The following SLC9B1 variants were observed in gnomAD, a reference collection of about 807,000 sequenced individuals.
SLC9B1 encodes sodium/hydrogen exchanger 9B1.
Under a neutral mutation model 51.7 loss-of-function variants are expected in SLC9B1, and 32 were observed. The observed-to-expected ratio is 0.62, with a 90% CI of 0.47 to 0.83. SLC9B1 has a LOEUF of 0.83. Ranked by LOEUF, SLC9B1 falls within the 40% of genes least tolerant of loss-of-function variation. The pLI, the probability that SLC9B1 is intolerant of heterozygous loss-of-function variation, is 0.00. For missense variants in SLC9B1, 406 were observed against 613.2 expected (o/e 0.66, Z 3.57); for synonymous variants, 145 against 212.7 (o/e 0.68, Z 2.77).
chr4:102,967,227 T>A (rs1293570811), intron 3 of SLC9B1, among the ~76,000 whole-genome samples: 2 of 152,246 alleles, frequency 1.3e-5, no homozygotes, highest in African/African-American at 4.8e-5. Flanking sequence ...ATTGAAATTA[T>A]CCTTAATGCT....
intron 3 of SLC9B1, among the ~76,000 whole-genome samples, chr4:102,966,108 T>C (rs1449046740): frequency 6.6e-6 from 1 of 152,174 alleles, no homozygotes; most frequent in Non-Finnish European, 1.5e-5. Flanking sequence ...CAGGCTGAGG[T>C]TGTATGGTGG....
Position 102,946,640 on chromosome 4 carries a change from A to T in SLC9B1, c.525+7T>A. The T allele has an allele frequency of 6.3e-7, 1 of 1,599,538 alleles. No homozygotes were observed. The highest frequency in any genetic ancestry group is 8.5e-7 in the Non-Finnish European group (1 of 1,176,488). On this transcript the variant is annotated splice_region_variant and intron_variant, in intron 5 of 11. Transcript: ENST00000296422. ...TAACCTTACTCGATTTGTAATTGTAAATCTACCTGTGGATCGAGTCCAAGC... is the reference window on the plus strand; with the variant it reads ...TAACCTTACTCGATTTGTAATTGTATATCTACCTGTGGATCGAGTCCAAGC...
intron 3 of SLC9B1, among the ~76,000 whole-genome samples, chr4:102,968,400 AT>A (rs1420306325): frequency 3.3e-5 from 5 of 152,380 alleles, no homozygotes; most frequent in African/African-American, 9.6e-5. Context: ...TAGGAAAAAA[AT>A]ATAGGAGAAA....
At chr4:102,992,068 C>T (rs1739970295) in intron 1 of SLC9B1, among the ~76,000 whole-genome samples, 1 of 152,106 alleles carries the variant, frequency 6.6e-6, no homozygotes, top group Admixed American at 6.5e-5. Context: ...AATCTATCTT[C>T]TGTCATGCTC....
chr4:103,014,538 AAATGCTTTTT>A (rs1321924210), intron 1 of SLC9B1, among the ~76,000 whole-genome samples: 3 of 152,234 alleles, frequency 2.0e-5, no homozygotes, highest in African/African-American at 7.2e-5. Context: ...GAAGTCCAAG[AAATGCTTTTT>A]AGTGACTTGT....
chr4:102,905,798 TA>T lies in SLC9B1; in HGVS notation c.1196-149del, dbSNP rs1735017974. 5 of 724,290 alleles carry T rather than the reference TA, an allele frequency of 6.9e-6. No individual in the cohort carries two copies. In the South Asian group the frequency reaches 7.6e-5, roughly 11 times the overall value. 44.9% of individuals were successfully genotyped at this position (724,290 alleles called of 1,614,324 possible). On this transcript the variant is annotated intron_variant, in intron 10 of 11. Transcript: ENST00000296422. ...ATTTTTTACATAAAAACAATGATTA[TA>T]AAAAATGAATATGATGGAGGATTCT...
intron 1 of SLC9B1, among the ~76,000 whole-genome samples, chr4:103,011,928 G>A (rs561246752): frequency 1.0e-3 from 154 of 152,232 alleles, no homozygotes; most frequent in African/African-American, 3.5e-3. Flanking sequence ...AATACCTTCA[G>A]GGCCACTCCT....
At chr4:102,971,692 A>C (rs1052577214) in intron 3 of SLC9B1, among the ~76,000 whole-genome samples, 1 of 152,214 alleles carries the variant, frequency 6.6e-6, no homozygotes, top group Non-Finnish European at 1.5e-5. Context: ...AAATCAATGC[A>C]TCCAGGAGCT....
intron 11 of SLC9B1, among the ~76,000 whole-genome samples, chr4:102,904,886 AG>A (rs1578333217): frequency 1.3e-5 from 2 of 152,028 alleles, no homozygotes; most frequent in African/African-American, 4.8e-5. Flanking sequence ...CAGAAGGCTG[AG>A]GCAGGAGAAT....
chr4:102,948,102 A>G (rs931371146), intron 4 of SLC9B1, among the ~76,000 whole-genome samples: 7 of 152,182 alleles, frequency 4.6e-5, no homozygotes, highest in African/African-American at 1.7e-4. Context: ...GAGTTTTCAT[A>G]TCACATTGTC....
intron 1 of SLC9B1, 24 bp downstream of exon 1, chr4:103,019,575 G>T: frequency 3.0e-6 from 3 of 985,304 alleles, no homozygotes; most frequent in Non-Finnish European, 3.6e-6. Flanking sequence ...TTGGAAGGGC[G>T]GCGTTAAGAA....
chr4:102,978,389 T>C (rs1343226618), intron 3 of SLC9B1, among the ~76,000 whole-genome samples: 1 of 152,090 alleles, frequency 6.6e-6, no homozygotes, highest in Non-Finnish European at 1.5e-5. Context: ...ACCTACAGAA[T>C]GGGAGAAAAT....
chr4:102,967,689 G>T (rs1313100109), intron 3 of SLC9B1, among the ~76,000 whole-genome samples: 1 of 152,114 alleles, frequency 6.6e-6, no homozygotes, highest in African/African-American at 2.4e-5. Context: ...GTACCAAGCT[G>T]CCCACAAAAG....
At chr4:102,941,098 A>C (rs1285486849) in intron 6 of SLC9B1, among the ~76,000 whole-genome samples, 1 of 152,206 alleles carries the variant, frequency 6.6e-6, no homozygotes, top group Non-Finnish European at 1.5e-5. Flanking sequence ...AATTCTGGAA[A>C]ACACTTTATG....
At chr4:102,931,502 T>C (rs1736457192) in intron 7 of SLC9B1, among the ~76,000 whole-genome samples, 1 of 152,180 alleles carries the variant, frequency 6.6e-6, no homozygotes. Flanking sequence ...ACTATATATA[T>C]TACTTTTCAA....
At chr4:102,946,563 A>G (rs1737279431) in intron 5 of SLC9B1, 84 bp downstream of exon 5, 1 of 1,467,110 alleles carries the variant, frequency 6.8e-7, no homozygotes, top group Non-Finnish European at 9.3e-7. Flanking sequence ...TTGGAACAGG[A>G]AAATAAAATT....
intron 3 of SLC9B1, among the ~76,000 whole-genome samples, chr4:102,980,204 A>G (rs1253348841): frequency 3.3e-5 from 5 of 152,220 alleles, no homozygotes; most frequent in Admixed American, 2.0e-4. Context: ...TCAAAGATCC[A>G]GGAGCAGAAA....
At chr4:102,885,057 A>T in exon 12 of SLC9B1, 2 of 647,502 alleles carry the variant, frequency 3.1e-6, no homozygotes, top group South Asian at 3.4e-5. Context: ...TCTTTGGTAG[A>T]GCTGGCTTTA....
At chr4:103,001,744 C>T (rs1578412987) in intron 1 of SLC9B1, among the ~76,000 whole-genome samples, 1 of 152,328 alleles carries the variant, frequency 6.6e-6, no homozygotes, top group African/African-American at 2.4e-5. Context: ...CTACCTGTTA[C>T]CCAGTTCCAA....
Sources: allele counts gnomAD v4.1 joint callset (sites outside exome capture counted in the v4.1 genomes callset), GRCh38; gene constraint gnomAD v4.1.1; transcripts MANE v1.5; gene names NCBI Gene and HGNC (gene_info 2026-07-23, HGNC 2026-07-21).